The following LRRIQ1 variants were observed in gnomAD, a reference collection of about 807,000 sequenced individuals.
LRRIQ1 encodes leucine rich repeats and IQ motif containing 1.
A neutral mutation model predicts 211.9 loss-of-function variants in LRRIQ1; 210 were observed. That is an observed-to-expected ratio of 0.99 (90% CI 0.89 to 1.11). The LOEUF is 1.11. Among genes scored for constraint, LRRIQ1 ranks in the 50% most tolerant of loss-of-function variants. LRRIQ1 has a pLI of 0.00. For synonymous variants in LRRIQ1, 699 were observed against 650.1 expected (o/e 1.08, Z -1.14); for missense variants, 2,136 against 1,939.5 (o/e 1.10, Z -1.90).
At chr12:85,055,474 C>G in intron 7 of LRRIQ1, 73 bp from the exon 8 acceptor site, 1 of 1,188,012 alleles carries the variant, frequency 8.4e-7, no homozygotes, top group Admixed American at 3.7e-5. Context: ...TTTCAATCTA[C>G]ATTTCAGATG....
At chr12:85,153,632 T>C in intron 21 of LRRIQ1, 31 bp from the exon 22 acceptor site, 1 of 1,368,380 alleles carries the variant, frequency 7.3e-7, no homozygotes, top group South Asian at 1.3e-5. Flanking sequence ...TTGTGTTGAT[T>C]CAGTTAAAAG....
intron 24 of LRRIQ1, among the ~76,000 whole-genome samples, chr12:85,197,832 T>A (rs7970775): frequency 4.1e-4 from 54 of 130,124 alleles, no homozygotes; most frequent in African/African-American, 1.4e-3. Context: ...AATAAAAAAA[T>A]AAAAAATATT....
At chr12:85,065,234 C>T (rs1280432019) in intron 8 of LRRIQ1, 28 bp from the exon 9 acceptor site, 4 of 1,586,160 alleles carry the variant, frequency 2.5e-6, no homozygotes, top group Non-Finnish European at 2.6e-6. Context: ...AATAACACTA[C>T]ACACTCCAAT....
At position 85,098,466 on chromosome 12, in the gene LRRIQ1, A is replaced by G; in HGVS notation, c.2999A>G (p.His1000Arg). ...ACCATTGTATACCTAGATTGCTCCC[A>G]TAATCATCTTACTGATGTAGAGGGC... Reference protein sequence around the residue: ...TPTIVYLDCSHNHLTDVEGVE... With the variant: ...TPTIVYLDCSRNHLTDVEGVE... The change falls in exon 12 of 27, where the codon CAT becomes CGT. Residue 1000 changes from histidine to arginine, a missense_variant. Coordinates refer to ENST00000393217, the MANE Select transcript of LRRIQ1 (RefSeq NM_001079910.2). 1 of 1,612,238 alleles carries G rather than the reference A, an allele frequency of 6.2e-7. No homozygotes were observed. The highest frequency in any genetic ancestry group is 8.5e-7 in the Non-Finnish European group (1 of 1,179,116).
chr12:85,221,509 A>G lies in LRRIQ1; in HGVS notation c.4823-8008A>G, dbSNP rs1056676973. Among the ~76,000 whole-genome samples, 38 of 152,190 alleles carry G rather than the reference A, an allele frequency of 2.5e-4. 1 individual carries two copies. Among genetic ancestry groups the G allele is most frequent in the African/African-American group, 2.4e-5 (1 of 41,450 alleles). On this transcript the variant is annotated intron_variant, in intron 24 of 26. Transcript: ENST00000393217. ...GAATGCTATCATGGGGTATCTATAC[A>G]GTTCTTTGGAATGAGTATACCTAAC... is the stretch of plus-strand genomic sequence containing the variant.
chr12:85,208,167 A>G (rs1477539960), intron 24 of LRRIQ1, among the ~76,000 whole-genome samples: 1 of 152,162 alleles, frequency 6.6e-6, no homozygotes. Flanking sequence ...CTGTAGCTTT[A>G]TATAGTAGGT....
chr12:85,181,247 G>C (rs1891967084), intron 24 of LRRIQ1, among the ~76,000 whole-genome samples: 1 of 151,714 alleles, frequency 6.6e-6, no homozygotes, highest in African/African-American at 2.4e-5. Flanking sequence ...TTTTCATTCA[G>C]ATGTTGATAT....
At chr12:85,127,810 T>TG (rs1470395421) in intron 17 of LRRIQ1, 22 bp from the exon 18 acceptor site, 12 of 1,583,102 alleles carry the variant, frequency 7.6e-6, no homozygotes, top group Admixed American at 7.0e-5. Context: ...AAAGTGTGTG[T>TG]TTTTTTTTCT....
chr12:85,143,357 C>G (rs560848937), intron 19 of LRRIQ1, among the ~76,000 whole-genome samples: 2 of 151,690 alleles, frequency 1.3e-5, no homozygotes, highest in South Asian at 4.2e-4. Context: ...TGGATATTAA[C>G]CTCTTATCAG....
chr12:85,187,415 A>C (rs114756658), intron 24 of LRRIQ1, among the ~76,000 whole-genome samples: 2,164 of 152,258 alleles, frequency 0.014, 48 homozygotes, highest in African/African-American at 0.048. Flanking sequence ...TGGTTTTCTA[A>C]CTTCATATTT....
chr12:85,047,005 G>C (rs10161047), intron 5 of LRRIQ1, among the ~76,000 whole-genome samples: 33,239 of 144,824 alleles, frequency 0.23, 4,439 homozygotes, highest in African/African-American at 0.33. Flanking sequence ...CCTCTCATGG[G>C]GTTGGGGGAG....
At chr12:85,261,564 T>C (rs1358897296) in intron 1 of LRRIQ1, among the ~76,000 whole-genome samples, 2 of 151,568 alleles carry the variant, frequency 1.3e-5, no homozygotes, top group African/African-American at 2.4e-5. Context: ...ATTTTTTTTT[T>C]CTCTAACCTT....
chr12:85,066,861 G>T lies in LRRIQ1; in HGVS notation c.2658G>T (p.Gln886His). ...LHGLDGCTNI[Q>H]CLELSYNKIT... ...GTTTGGATGGCTGTACTAATATTCA[G>T]TGTCTTGAACTTTCATATAATAAAA... The change falls in exon 10 of 27, where the codon CAG becomes CAT. Residue 886 changes from glutamine (Q) to histidine (H), a missense_variant. Coordinates refer to ENST00000393217, the MANE Select transcript of LRRIQ1 (RefSeq NM_001079910.2). 5 of 1,563,404 alleles carry T rather than the reference G, an allele frequency of 3.2e-6. No homozygotes were observed. Among genetic ancestry groups the T allele is most frequent in the East Asian group, 2.3e-5 (1 of 43,424 alleles).
intron 11 of LRRIQ1, among the ~76,000 whole-genome samples, chr12:85,079,406 G>A (rs536100754): frequency 5.3e-5 from 8 of 151,672 alleles, no homozygotes; most frequent in African/African-American, 1.9e-4. Flanking sequence ...TGTATTTTTA[G>A]TAGAGACGGG....
chr12:85,193,749 A>G (rs1270749219), intron 24 of LRRIQ1, among the ~76,000 whole-genome samples: 1 of 151,564 alleles, frequency 6.6e-6, no homozygotes, highest in Non-Finnish European at 1.5e-5. Flanking sequence ...CGAGACTAGG[A>G]AGAAACTGCA....
chr12:85,115,789 G>A (rs142707817), intron 15 of LRRIQ1, among the ~76,000 whole-genome samples: 4 of 152,022 alleles, frequency 2.6e-5, no homozygotes, highest in Non-Finnish European at 5.9e-5. Context: ...ATCTTTGAAT[G>A]TATTTATTTT....
rs1379719686 is a variant in LRRIQ1, at chr12:85,216,003, C to T, written c.4823-13514C>T. Among the ~76,000 whole-genome samples the T allele has an allele frequency of 3.9e-5, 6 of 152,004 alleles. No individual in the cohort carries two copies. In the East Asian group the frequency reaches 1.2e-3, roughly 29 times the overall value. ...TATAAGCTTAACTATAGTAGTTGCC[C>T]TTAAGAGAAGCAAGACCTTTTCTTT... On this transcript the variant is annotated intron_variant, in intron 24 of 26. Coordinates refer to ENST00000393217, the MANE Select transcript of LRRIQ1 (RefSeq NM_001079910.2).
At position 85,144,063 on chromosome 12, in the gene LRRIQ1, C is replaced by T. The variant is rs937036334; in HGVS notation, c.4329+6094C>T. On this transcript the variant is annotated intron_variant, in intron 19 of 26. Coordinates refer to ENST00000393217, the MANE Select transcript of LRRIQ1 (RefSeq NM_001079910.2). ...ACTAGTTTATTGATCCTCACCTCCTCCTGTCCTCCGCCCTCAAGTAGGCCC... is the reference window on the plus strand; with the variant it reads ...ACTAGTTTATTGATCCTCACCTCCTTCTGTCCTCCGCCCTCAAGTAGGCCC... 2.0e-5 allele frequency among the ~76,000 whole-genome samples: 3 copies of T among 151,534 alleles called. 1 individual carries two copies. Among genetic ancestry groups the T allele is most frequent in the Admixed American group, 1.3e-4 (2 of 15,142 alleles).
intron 26 of LRRIQ1, among the ~76,000 whole-genome samples, chr12:85,236,799 A>G (rs1012136269): frequency 6.9e-6 from 1 of 143,982 alleles, no homozygotes; most frequent in Admixed American, 7.0e-5. Context: ...TGATGTATAT[A>G]TATTTCTGGA....
Sources: allele counts gnomAD v4.1 joint callset (sites outside exome capture counted in the v4.1 genomes callset), GRCh38; gene constraint gnomAD v4.1.1; transcripts MANE v1.5; gene names NCBI Gene and HGNC (gene_info 2026-07-23, HGNC 2026-07-21).